The following HCN1 variants were observed in gnomAD, a reference collection of about 807,000 sequenced individuals.
HCN1 encodes potassium/sodium hyperpolarization-activated cyclic nucleotide-gated channel 1.
In HCN1, 13 loss-of-function variants were observed where a neutral mutation model predicts 78.9. The ratio of observed to expected loss-of-function variants is 0.16; its 90% CI spans 0.11 to 0.26. HCN1 has a LOEUF of 0.26. Ranked by LOEUF, HCN1 falls within the 10% of genes least tolerant of loss-of-function variation. HCN1 has a pLI of 1.00. For missense variants in HCN1, 810 were observed against 1,154.3 expected, an observed-to-expected ratio of 0.70 and a Z score of 4.32; for synonymous variants, 552 against 455.5, an observed-to-expected ratio of 1.21 and a Z score of -2.70.
rs1302973328 is a variant in HCN1, at chr5:45,696,237, G to GGCTGCT, written c.-150_-145dup. 2 of 207,652 alleles carry GGCTGCT rather than the reference G, an allele frequency of 9.6e-6. No individual in the cohort carries two copies. The highest frequency in any genetic ancestry group is 4.8e-5 in the African/African-American group (2 of 41,814). The allele number at this position is 207,652 out of a possible 1,614,324, so 12.9% of individuals were successfully genotyped here. A position where few individuals can be genotyped will look rare whatever the true frequency, so the allele number is the denominator to read the frequency against. ...TCGCGGCGGCGGCGGCGGCGGCGGC[G>GGCTGCT]GCTGCTGCTTCCCGACCGCGCCGCT... On this transcript the variant is annotated 5_prime_UTR_variant, in exon 1 of 8. Coordinates refer to ENST00000303230, the MANE Select transcript of HCN1 (RefSeq NM_021072.4).
rs185113221 is a variant in HCN1 at position 45,285,997 on chromosome 5, A to G, written c.1618+17602T>C. Among the ~76,000 whole-genome samples the G allele has an allele frequency of 7.1e-4, 108 of 152,070 alleles. 2 individuals carry two copies. Among genetic ancestry groups the G allele is most frequent in the Admixed American group, 4.9e-3 (74 of 15,220 alleles). On this transcript the variant is annotated intron_variant, in intron 6 of 7. Transcript: ENST00000303230. ...AAACACACACGGAAAATTTGTTTTT[A>G]AAGAACTTCAGAGTTAAGGAACTAA...
intron 2 of HCN1, among the ~76,000 whole-genome samples, chr5:45,578,780 A>G (rs1480280815): frequency 6.6e-6 from 1 of 152,104 alleles, no homozygotes; most frequent in African/African-American, 2.4e-5. Flanking sequence ...AAAATGTAAT[A>G]TGACTAAAAT....
intron 5 of HCN1, among the ~76,000 whole-genome samples, chr5:45,308,103 T>G (rs1406598318): frequency 4.6e-5 from 7 of 152,066 alleles, no homozygotes; most frequent in African/African-American, 9.7e-5. Flanking sequence ...TCTATTAGTT[T>G]TCATGAGATC....
intron 2 of HCN1, among the ~76,000 whole-genome samples, chr5:45,608,131 T>C (rs1407655733): frequency 6.6e-6 from 1 of 151,946 alleles, no homozygotes; most frequent in Non-Finnish European, 1.5e-5. Context: ...AAATAAGAAC[T>C]TCAGTATTAA....
intron 3 of HCN1, among the ~76,000 whole-genome samples, chr5:45,450,589 C>T (rs2111596552): frequency 6.6e-6 from 1 of 152,180 alleles, no homozygotes; most frequent in African/African-American, 2.4e-5. Context: ...ACAGATACCA[C>T]AAAACTGCTA....
intron 2 of HCN1, among the ~76,000 whole-genome samples, chr5:45,505,866 A>G (rs1011182920): frequency 6.6e-6 from 1 of 152,160 alleles, no homozygotes; most frequent in Non-Finnish European, 1.5e-5. Flanking sequence ...TCATCAGTCT[A>G]ATATGACTCT....
intron 4 of HCN1, among the ~76,000 whole-genome samples, chr5:45,395,716 T>C (rs904821305): frequency 1.3e-5 from 2 of 152,292 alleles, no homozygotes; most frequent in African/African-American, 2.4e-5. Context: ...ACAAAGCCCC[T>C]ACATTACACA....
intron 5 of HCN1, among the ~76,000 whole-genome samples, chr5:45,325,496 A>G (rs1040360340): frequency 2.0e-5 from 3 of 151,684 alleles, no homozygotes; most frequent in Admixed American, 2.0e-4. Context: ...TAATAAAGCT[A>G]CTCTATTGAT....
chr5:45,291,187 T>C (rs1189613144), intron 6 of HCN1, among the ~76,000 whole-genome samples: 2 of 152,056 alleles, frequency 1.3e-5, no homozygotes, highest in African/African-American at 2.4e-5. Flanking sequence ...CTTACTTTAT[T>C]CTACTTCTCT....
At chr5:45,659,592 TAC>T (rs1486438310) in intron 1 of HCN1, among the ~76,000 whole-genome samples, 1 of 145,494 alleles carries the variant, frequency 6.9e-6, no homozygotes, top group Admixed American at 6.9e-5. Flanking sequence ...GAATAACCAA[TAC>T]AGAGAAGTGC....
chr5:45,314,566 G>C (rs1487153077), intron 5 of HCN1, among the ~76,000 whole-genome samples: 1 of 152,088 alleles, frequency 6.6e-6, no homozygotes, highest in East Asian at 1.9e-4. Flanking sequence ...ACACAGACTG[G>C]CAAATTGGAT....
chr5:45,331,774 C>T (rs974922410), intron 5 of HCN1, among the ~76,000 whole-genome samples: 4 of 151,246 alleles, frequency 2.6e-5, no homozygotes, highest in South Asian at 4.2e-4. Flanking sequence ...TACATAAAGT[C>T]GATTTTTAAA....
At chr5:45,263,557 G>A (rs1308960757) in intron 7 of HCN1, among the ~76,000 whole-genome samples, 2 of 152,156 alleles carry the variant, frequency 1.3e-5, no homozygotes, top group South Asian at 4.1e-4. Flanking sequence ...ATTCCCAAAT[G>A]CAAATCTGAG....
chr5:45,654,026 C>A (rs562968693), intron 1 of HCN1, among the ~76,000 whole-genome samples: 1 of 152,032 alleles, frequency 6.6e-6, no homozygotes. Context: ...TTATGATGCA[C>A]GTTTTTAATA....
At chr5:45,315,844 C>A (rs1022918235) in intron 5 of HCN1, among the ~76,000 whole-genome samples, 22 of 152,162 alleles carry the variant, frequency 1.4e-4, no homozygotes, top group African/African-American at 5.1e-4. Flanking sequence ...GACACATACA[C>A]CCTCCCAAGA....
At chr5:45,315,916 T>A (rs2111926040) in intron 5 of HCN1, among the ~76,000 whole-genome samples, 1 of 152,282 alleles carries the variant, frequency 6.6e-6, no homozygotes, top group Admixed American at 6.5e-5. Flanking sequence ...GTTGAGGCAA[T>A]AATTAATAGC....
Position 45,373,671 on chromosome 5 carries a change from G to A in HCN1, c.1231-20425C>T, listed in dbSNP as rs1322830085. ...ATAATATATTACATACGGTATATAC[G>A]TCATCTATAATATATTACATACGGT... On this transcript the variant is annotated intron_variant, in intron 4 of 7. Coordinates refer to ENST00000303230, the MANE Select transcript of HCN1 (RefSeq NM_021072.4). Among the ~76,000 whole-genome samples, 246 of 111,886 alleles carry A rather than the reference G, an allele frequency of 2.2e-3. 5 individuals are homozygous for A. The highest frequency in any genetic ancestry group is 7.2e-3 in the African/African-American group (186 of 25,894). 73.4% of individuals were successfully genotyped at this position (111,886 alleles called of 152,430 possible).
In HCN1 at chr5:45,596,530, A is replaced by C. The variant is rs532612219; in HGVS notation, c.849+48655T>G. 2.0e-5 allele frequency among the ~76,000 whole-genome samples: 3 copies of C among 152,302 alleles called. No individual in the cohort carries two copies. In the East Asian group the frequency reaches 5.8e-4, roughly 29 times the overall value. On this transcript the variant is annotated intron_variant, in intron 2 of 7. Transcript: ENST00000303230. Reference sequence around the variant, plus strand: ...TGTACATAATCATGCACAGGGAGAAAGGCATGAAACACACAGGGGCAAGCA... The same window carrying C: ...TGTACATAATCATGCACAGGGAGAACGGCATGAAACACACAGGGGCAAGCA...
chr5:45,281,579 CTTT>C (rs751307473), intron 6 of HCN1, among the ~76,000 whole-genome samples: 2 of 81,664 alleles, frequency 2.4e-5, no homozygotes, highest in Non-Finnish European at 2.4e-5. Context: ...CTCTTCTCTT[CTTT>C]TTTTTTTTTT....
Sources: gnomAD v4.1 joint callset for allele counts (sites outside exome capture counted in the v4.1 genomes callset) on GRCh38, gnomAD v4.1.1 for gene constraint, MANE v1.5 for transcripts, NCBI Gene and HGNC (gene_info 2026-07-23, HGNC 2026-07-21) for gene names.